Variants in INTS6 observed in about 807,000 individuals in gnomAD.
INTS6 encodes integrator complex subunit 6.
In INTS6, 16 loss-of-function variants were observed where a neutral mutation model predicts 104.9. The ratio of observed to expected loss-of-function variants is 0.15; its 90% CI spans 0.10 to 0.23. INTS6 has a LOEUF of 0.23. Ranked by LOEUF, INTS6 falls within the 10% of genes least tolerant of loss-of-function variation. INTS6 has a pLI of 1.00. For synonymous variants in INTS6, 324 were observed against 358.7 expected (o/e 0.90, Z 1.09); for missense variants, 584 against 1,062.8 (o/e 0.55, Z 6.26).
chr13:51,441,164 G>A (rs1952790753), intron 3 of INTS6: 1 of 152,122 alleles, frequency 6.6e-6, no homozygotes, highest in Non-Finnish European at 1.5e-5. Context: ...ATATAAGCTA[G>A]TGAGTGACAG....
intron 5 of INTS6, among the ~76,000 whole-genome samples, chr13:51,392,380 G>GA (rs2137955859): frequency 6.6e-6 from 1 of 151,768 alleles, no homozygotes; most frequent in African/African-American, 2.4e-5. Flanking sequence ...AACATATAGA[G>GA]AGCATGTCCC....
chr13:51,389,494 G>T, intron 5 of INTS6, 50 bp from the exon 6 acceptor site: 1 of 1,463,616 alleles, frequency 6.8e-7, no homozygotes. Flanking sequence ...TAGTAAACTA[G>T]TTAGTTGCAA....
rs1956062913 is a variant in INTS6 at position 51,382,104 on chromosome 13, A to G, written c.1200T>C (p.His400=). 6.2e-7 allele frequency: 1 copy of G among 1,610,296 alleles called. No homozygotes were observed. Among genetic ancestry groups the G allele is most frequent in the Non-Finnish European group, 8.5e-7 (1 of 1,177,736 alleles). The change falls in exon 10 of 18, where the codon CAT becomes CAC. Residue 400 remains histidine, a synonymous_variant. Transcript: ENST00000311234. ...TCCACTTCAATGTTGGTTTTGCTTT[A>G]TGCACTTTAAACAAGTCATCTAGAA... is the stretch of plus-strand genomic sequence containing the variant. The part of the protein sequence containing the change: ...LPLLDDLFKV[H]KAKPTLKWRQ...
At chr13:51,439,614 G>C (rs1211741543) in intron 3 of INTS6, 2 of 152,096 alleles carry the variant, frequency 1.3e-5, no homozygotes, top group South Asian at 2.1e-4. Flanking sequence ...TTCTGGAGGA[G>C]AGCACCTCCC....
chr13:51,352,889 T>A (rs1955420855), downstream of INTS6, among the ~76,000 whole-genome samples: 1 of 152,230 alleles, frequency 6.6e-6, no homozygotes, highest in South Asian at 2.1e-4. Context: ...ATTCTATTAA[T>A]ATGGTATATT....
intron 4 of INTS6, among the ~76,000 whole-genome samples, chr13:51,405,788 T>C (rs913435187): frequency 1.3e-5 from 2 of 152,100 alleles, no homozygotes; most frequent in African/African-American, 4.8e-5. Context: ...GCCCCAGACA[T>C]ATAAATAAGA....
chr13:51,380,973 T>C (rs1483860357), intron 10 of INTS6, among the ~76,000 whole-genome samples: 2 of 152,190 alleles, frequency 1.3e-5, no homozygotes, highest in African/African-American at 4.8e-5. Context: ...TTCCGTATTC[T>C]GTGAATTCAA....
chr13:51,360,383 T>C (rs1182695495), downstream of INTS6, among the ~76,000 whole-genome samples: 2 of 152,174 alleles, frequency 1.3e-5, no homozygotes, highest in Non-Finnish European at 2.9e-5. Flanking sequence ...GCTTTTCAAA[T>C]GTGTGATCTC....
At chr13:51,395,171 CAT>C (rs1593701975) in intron 5 of INTS6, 127 bp downstream of exon 5, 1 of 833,840 alleles carries the variant, frequency 1.2e-6, no homozygotes, top group South Asian at 1.9e-5. Context: ...CTATTAAAAG[CAT>C]ATATGCCTAA....
At chr13:51,398,294 T>C (rs1413809321) in intron 4 of INTS6, among the ~76,000 whole-genome samples, 1 of 152,082 alleles carries the variant, frequency 6.6e-6, no homozygotes, top group Non-Finnish European at 1.5e-5. Flanking sequence ...CCTGAATATA[T>C]GGACTTTGAG....
the INTS6 span, among the ~76,000 whole-genome samples, chr13:51,345,172 C>G: frequency 6.6e-6 from 1 of 152,286 alleles, no homozygotes; most frequent in South Asian, 2.1e-4. Flanking sequence ...GGCGCTATTA[C>G]TCTCCCCATT....
intron 15 of INTS6, among the ~76,000 whole-genome samples, chr13:51,370,590 C>T (rs1207103097): frequency 6.6e-6 from 1 of 152,142 alleles, no homozygotes; most frequent in Non-Finnish European, 1.5e-5. Flanking sequence ...GGAGCAAGCC[C>T]AGTGGTGGCA....
At chr13:51,350,491 T>C (rs1305353916), downstream of INTS6, among the ~76,000 whole-genome samples, 1 of 152,176 alleles carries the variant, frequency 6.6e-6, no homozygotes, top group Non-Finnish European at 1.5e-5. Context: ...AGCATGAGCA[T>C]GTTTTGATAT....
chr13:51,434,157 C>T (rs1248905509), intron 3 of INTS6, among the ~76,000 whole-genome samples: 1 of 152,118 alleles, frequency 6.6e-6, no homozygotes, highest in African/African-American at 2.4e-5. Flanking sequence ...TTAATATATC[C>T]TTTCTGCAAT....
At chr13:51,386,736 T>C (rs1956146016) in intron 7 of INTS6, among the ~76,000 whole-genome samples, 1 of 151,938 alleles carries the variant, frequency 6.6e-6, no homozygotes, top group Non-Finnish European at 1.5e-5. Context: ...TCCCACAAAA[T>C]ATCCCTTAAT....
intron 4 of INTS6, among the ~76,000 whole-genome samples, chr13:51,411,383 T>C (rs1250693398): frequency 6.6e-6 from 1 of 150,664 alleles, no homozygotes; most frequent in Non-Finnish European, 1.5e-5. Context: ...GTGAAACCCG[T>C]CTCTACTAAA....
intron 5 of INTS6, among the ~76,000 whole-genome samples, chr13:51,391,224 T>C (rs1383633780): frequency 1.3e-5 from 2 of 152,168 alleles, no homozygotes; most frequent in East Asian, 1.9e-4. Flanking sequence ...TTGAGTATCT[T>C]ATTTCATGAA....
rs1039714498 is a variant in INTS6 at position 51,369,183 on chromosome 13, T to C, written c.2232A>G (p.Leu744=). The C allele has an allele frequency of 1.2e-6, 2 of 1,613,926 alleles. No individual in the cohort carries two copies. The highest frequency in any genetic ancestry group is 8.5e-7 in the Non-Finnish European group (1 of 1,179,850). ...TEFSASSPAS[L]LERPTNHMEA... is the part of the protein sequence containing the mutation. ...CCATATGATTGGTTGGCCGTTCCAGTAAACTGGCTGGAGAAGATGCTGAAA... is the reference window on the plus strand; with the variant it reads ...CCATATGATTGGTTGGCCGTTCCAGCAAACTGGCTGGAGAAGATGCTGAAA... Residue 744 remains leucine (L), a synonymous_variant, in exon 16 of 18, where the codon TTA becomes TTG. Coordinates refer to ENST00000311234, the MANE Select transcript of INTS6 (RefSeq NM_012141.3).
At chr13:51,430,476 C>G in intron 3 of INTS6, 93 bp from the exon 4 acceptor site, 1 of 839,832 alleles carries the variant, frequency 1.2e-6, no homozygotes, top group South Asian at 1.8e-5. Context: ...ATACGATCTC[C>G]CTTTCTAGTT....
Sources: gnomAD v4.1 joint callset for allele counts (sites outside exome capture counted in the v4.1 genomes callset) on GRCh38, gnomAD v4.1.1 for gene constraint, MANE v1.5 for transcripts, NCBI Gene and HGNC (gene_info 2026-07-23, HGNC 2026-07-21) for gene names.